Variants in ZNF277 observed in about 807,000 individuals in gnomAD.
ZNF277 encodes zinc finger protein 277.
ZNF277 carries 55 observed loss-of-function variants against 60.7 expected under a neutral mutation model. The ratio of observed to expected loss-of-function variants is 0.91; its 90% CI spans 0.73 to 1.13. The LOEUF is 1.13. Ranked by LOEUF, ZNF277 falls within the 50% of genes most tolerant of loss-of-function variation. The pLI is 0.00. For missense variants in ZNF277, 510 were observed against 523.0 expected (o/e 0.98, Z 0.24); for synonymous variants, 178 against 179.3 (o/e 0.99, Z 0.06).
At chr7:112,236,693 A>G (rs910805006) in intron 1 of ZNF277, among the ~76,000 whole-genome samples, 1 of 152,106 alleles carries the variant, frequency 6.6e-6, no homozygotes, top group Non-Finnish European at 1.5e-5. Flanking sequence ...CTCATTCACT[A>G]TTTACTTTCC....
Position 112,342,931 on chromosome 7 carries a change from G to A in ZNF277, c.*202G>A, listed in dbSNP as rs1283713610. The A allele has an allele frequency of 8.1e-6, 3 of 371,668 alleles. No individual in the cohort carries two copies. The highest frequency in any genetic ancestry group is 4.2e-5 in the African/African-American group (2 of 47,878). 23.0% of individuals were successfully genotyped at this position (371,668 alleles called of 1,614,324 possible). On this transcript the variant is annotated 3_prime_UTR_variant, in exon 12 of 12. Coordinates refer to ENST00000361822, the MANE Select transcript of ZNF277 (RefSeq NM_021994.3). ...TACTAAGAACATGAAAAAAAATGAA[G>A]TAGGAAAATAAGATGAAGACTTTGT... is the stretch of plus-strand genomic sequence containing the variant.
chr7:112,287,989 T>A (rs542511434), intron 2 of ZNF277: 14 of 150,034 alleles, frequency 9.3e-5, no homozygotes, highest in Admixed American at 9.2e-4. Context: ...GTAGATCTTA[T>A]TGATGTCTCC....
At chr7:112,329,251 A>G (rs1262501979) in intron 6 of ZNF277, among the ~76,000 whole-genome samples, 2 of 152,176 alleles carry the variant, frequency 1.3e-5, no homozygotes, top group Non-Finnish European at 2.9e-5. Context: ...TTATACTTAG[A>G]CACTATATGG....
chr7:112,217,712 A>G (rs1821922556), intron 1 of ZNF277, among the ~76,000 whole-genome samples: 1 of 152,206 alleles, frequency 6.6e-6, no homozygotes, highest in Non-Finnish European at 1.5e-5. Flanking sequence ...GACTAACTAA[A>G]TTAACCACCA....
intron 1 of ZNF277, among the ~76,000 whole-genome samples, chr7:112,254,372 C>G (rs1343655780): frequency 1.3e-5 from 2 of 152,180 alleles, no homozygotes; most frequent in African/African-American, 2.4e-5. Flanking sequence ...TCTGTTTAAA[C>G]GAGTCCTCCA....
intron 1 of ZNF277, among the ~76,000 whole-genome samples, chr7:112,216,179 G>A (rs544669509): frequency 6.6e-6 from 1 of 152,344 alleles, no homozygotes; most frequent in South Asian, 2.1e-4. Flanking sequence ...ACAAAGGTAA[G>A]TAATGCTAAT....
chr7:112,300,214 G>C (rs971682965), intron 4 of ZNF277, among the ~76,000 whole-genome samples: 2 of 152,082 alleles, frequency 1.3e-5, no homozygotes, highest in Admixed American at 6.6e-5. Flanking sequence ...AGATTTCACT[G>C]GTTTCTTGAC....
At chr7:112,293,864 G>C (rs559759325) in intron 2 of ZNF277, among the ~76,000 whole-genome samples, 4 of 152,166 alleles carry the variant, frequency 2.6e-5, no homozygotes, top group African/African-American at 9.7e-5. Flanking sequence ...CAGGACTGAC[G>C]ATCCACTCCT....
intron 1 of ZNF277, among the ~76,000 whole-genome samples, chr7:112,244,069 G>T (rs374195207): frequency 2.9e-4 from 44 of 152,160 alleles, no homozygotes; most frequent in African/African-American, 1.0e-3. Flanking sequence ...AATACCACAC[G>T]TTCTCACTTA....
chr7:112,264,212 A>G (rs945227047), intron 1 of ZNF277, among the ~76,000 whole-genome samples: 1 of 151,390 alleles, frequency 6.6e-6, no homozygotes. Flanking sequence ...TCATTAGCTT[A>G]TGTATACTAA....
At chr7:112,260,435 A>T (rs1454193842) in intron 1 of ZNF277, among the ~76,000 whole-genome samples, 1 of 152,146 alleles carries the variant, frequency 6.6e-6, no homozygotes, top group African/African-American at 2.4e-5. Context: ...ATGGTTTTCT[A>T]TATTTTTTCA....
chr7:112,278,624 G>A (rs73424433), intron 1 of ZNF277, among the ~76,000 whole-genome samples: 2,331 of 152,218 alleles, frequency 0.015, 67 homozygotes, highest in African/African-American at 0.053. Flanking sequence ...TTCATTTTAT[G>A]TTGTGGAAAC....
At chr7:112,321,263 T>C (rs1792975765) in intron 5 of ZNF277, among the ~76,000 whole-genome samples, 1 of 151,998 alleles carries the variant, frequency 6.6e-6, no homozygotes, top group Non-Finnish European at 1.5e-5. Flanking sequence ...TTTTTCTTAG[T>C]GTTTGCCCTG....
intron 2 of ZNF277, among the ~76,000 whole-genome samples, chr7:112,290,626 T>A (rs1165632791): frequency 6.6e-6 from 1 of 152,220 alleles, no homozygotes; most frequent in African/African-American, 2.4e-5. Context: ...AAATTTTCAC[T>A]CTCAGCAAGT....
At chr7:112,243,001 G>A (rs1357019847) in intron 1 of ZNF277, among the ~76,000 whole-genome samples, 1 of 151,934 alleles carries the variant, frequency 6.6e-6, no homozygotes, top group Non-Finnish European at 1.5e-5. Context: ...ACAGAATAGA[G>A]AACCCAGAAA....
At chr7:112,316,793 C>T (rs566966083) in intron 4 of ZNF277, among the ~76,000 whole-genome samples, 8 of 152,066 alleles carry the variant, frequency 5.3e-5, no homozygotes, top group Admixed American at 4.6e-4. Context: ...TCAGCGGTCC[C>T]GTTACTGTGT....
At chr7:112,275,446 CTTCAT>C (rs1170842883) in intron 1 of ZNF277, among the ~76,000 whole-genome samples, 2 of 152,246 alleles carry the variant, frequency 1.3e-5, no homozygotes, top group South Asian at 2.1e-4. Context: ...GTCCTTCATC[CTTCAT>C]TTCATTTCCT....
intron 9 of ZNF277, among the ~76,000 whole-genome samples, chr7:112,338,188 G>T (rs111590113): frequency 9.2e-5 from 14 of 152,168 alleles, no homozygotes; most frequent in African/African-American, 3.4e-4. Context: ...CAAAGGTCCC[G>T]GAGGAATAGG....
At chr7:112,273,327 C>A (rs1293294417) in intron 1 of ZNF277, among the ~76,000 whole-genome samples, 7 of 152,170 alleles carry the variant, frequency 4.6e-5, no homozygotes, top group African/African-American at 1.7e-4. Context: ...TCTGCTGTGA[C>A]AGGGCAACAC....
Sources: allele counts gnomAD v4.1 joint callset (sites outside exome capture counted in the v4.1 genomes callset), GRCh38; gene constraint gnomAD v4.1.1; transcripts MANE v1.5; gene names NCBI Gene and HGNC (gene_info 2026-07-23, HGNC 2026-07-21).